ANKS1B: variants seen among roughly 807,000 people sequenced by gnomAD.
The protein encoded by ANKS1B is ankyrin repeat and sterile alpha motif domain-containing protein 1B.
A neutral mutation model predicts 148.3 loss-of-function variants in ANKS1B; 36 were observed. The observed-to-expected ratio is 0.24, with a 90% confidence interval of 0.19 to 0.32. The LOEUF (loss-of-function observed/expected upper bound fraction) is 0.32. Among genes scored for constraint, ANKS1B ranks in the 10% least tolerant of loss-of-function variants. The pLI, the probability that ANKS1B is intolerant of heterozygous loss-of-function variation, is 1.00. For missense variants in ANKS1B, 1,157 were observed against 1,542.6 expected (o/e 0.75, Z 4.19); for synonymous variants, 542 against 560.8 (o/e 0.97, Z 0.47).
intron 17 of ANKS1B, among the ~76,000 whole-genome samples, chr12:98,913,592 T>G (rs1217730666): frequency 6.6e-6 from 1 of 152,162 alleles, no homozygotes; most frequent in Non-Finnish European, 1.5e-5. Context: ...CCTGTCAAAC[T>G]TAATATGTCT....
intron 8 of ANKS1B, among the ~76,000 whole-genome samples, chr12:99,709,607 T>A (rs1199778809): frequency 6.6e-6 from 1 of 152,116 alleles, no homozygotes; most frequent in African/African-American, 2.4e-5. Context: ...TAGACCCACA[T>A]TTTTTGAAAT....
At chr12:99,459,059 C>T (rs1277997654) in intron 10 of ANKS1B, among the ~76,000 whole-genome samples, 2 of 151,966 alleles carry the variant, frequency 1.3e-5, no homozygotes, top group Non-Finnish European at 2.9e-5. Context: ...AAAGATAATC[C>T]ACCATGATCA....
intron 17 of ANKS1B, among the ~76,000 whole-genome samples, chr12:98,852,756 C>T (rs188749522): frequency 1.1e-4 from 16 of 152,230 alleles, no homozygotes; most frequent in Admixed American, 9.8e-4. Context: ...TTTTCCCCCC[C>T]TCCATCCATC....
intron 17 of ANKS1B, among the ~76,000 whole-genome samples, chr12:99,020,292 T>C (rs902198265): frequency 6.6e-6 from 1 of 152,196 alleles, no homozygotes; most frequent in African/African-American, 2.4e-5. Flanking sequence ...TTTCTGTCTC[T>C]GTAGATTGAC....
intron 15 of ANKS1B, among the ~76,000 whole-genome samples, chr12:99,088,838 G>GTTTTTTTTTTTTTTTTTT (rs386377539): frequency 1.4e-5 from 1 of 69,848 alleles, no homozygotes; most frequent in African/African-American, 6.3e-5. Flanking sequence ...TTTAACTTCT[G>GTTTTTTTTTTTTTTTTTT]TTTTTTTTTT....
intron 17 of ANKS1B, among the ~76,000 whole-genome samples, chr12:98,851,335 A>T (rs1214543248): frequency 6.6e-6 from 1 of 152,096 alleles, no homozygotes; most frequent in East Asian, 1.9e-4. Flanking sequence ...CTACCTGGGG[A>T]GCTGGGGATG....
chr12:99,869,025 C>A (rs2091130234), intron 1 of ANKS1B, among the ~76,000 whole-genome samples: 1 of 151,764 alleles, frequency 6.6e-6, no homozygotes, highest in Non-Finnish European at 1.5e-5. Flanking sequence ...CCACTGCAAT[C>A]CAGCCTAGGT....
At chr12:98,785,721 A>C (rs1410389228) in intron 22 of ANKS1B, among the ~76,000 whole-genome samples, 1 of 152,140 alleles carries the variant, frequency 6.6e-6, no homozygotes, top group African/African-American at 2.4e-5. Flanking sequence ...CCTACTCTGA[A>C]CATCAAGTTA....
At chr12:99,361,367 C>G (rs893478332) in intron 12 of ANKS1B, among the ~76,000 whole-genome samples, 1 of 151,988 alleles carries the variant, frequency 6.6e-6, no homozygotes, top group Non-Finnish European at 1.5e-5. Context: ...CTGATAAAAA[C>G]AAACTATTTT....
intron 10 of ANKS1B, among the ~76,000 whole-genome samples, chr12:99,490,093 T>C (rs561924883): frequency 6.6e-6 from 1 of 152,344 alleles, no homozygotes; most frequent in South Asian, 2.1e-4. Flanking sequence ...AAAGCCTCTC[T>C]GTTACCCTAT....
At chr12:99,295,615 GTTTTA>G (rs912272789) in intron 12 of ANKS1B, among the ~76,000 whole-genome samples, 1 of 152,084 alleles carries the variant, frequency 6.6e-6, no homozygotes, top group African/African-American at 2.4e-5. Flanking sequence ...TTCTTTTAAA[GTTTTA>G]TTTTAAGTCC....
chr12:99,424,633 A>G (rs1189547114), intron 11 of ANKS1B, among the ~76,000 whole-genome samples: 1 of 151,476 alleles, frequency 6.6e-6, no homozygotes, highest in Non-Finnish European at 1.5e-5. Flanking sequence ...ACACACACAC[A>G]CACACACACA....
At chr12:98,768,719 G>A (rs1030871496) in intron 25 of ANKS1B, among the ~76,000 whole-genome samples, 44 of 144,680 alleles carry the variant, frequency 3.0e-4, no homozygotes, top group Non-Finnish European at 6.2e-4. Context: ...GGGCGACAGA[G>A]CGAGACTCCA....
chr12:98,750,390 G>A (rs955483073), intron 26 of ANKS1B, among the ~76,000 whole-genome samples: 1 of 152,160 alleles, frequency 6.6e-6, no homozygotes, highest in African/African-American at 2.4e-5. Context: ...TGTGGATGTT[G>A]ATGGTGCCAA....
At chr12:98,991,225 G>T (rs1237107951) in intron 17 of ANKS1B, among the ~76,000 whole-genome samples, 1 of 152,144 alleles carries the variant, frequency 6.6e-6, no homozygotes, top group African/African-American at 2.4e-5. Flanking sequence ...TATAGTATTA[G>T]TTGAAAAGTA....
At position 98,745,788 on chromosome 12, in the gene ANKS1B, T is replaced by C; in HGVS notation, c.3809A>G (p.Gln1270Arg). The change falls in exon 27 of 27, where the codon CAA becomes CGA. Residue 1270 changes from glutamine (Q) to arginine (R), a missense_variant. Transcript: ENST00000683438. ...ANLPWIVEPG[Q>R]EAKRGINTKY... ...GGTATTAATGCCCCTCTTGGCTTCT[T>C]GGCCCGGCTCCACAATCCACGGTAG... The C allele has an allele frequency of 6.2e-7, 1 of 1,613,786 alleles. No homozygotes were observed. The highest frequency in any genetic ancestry group is 8.5e-7 in the Non-Finnish European group (1 of 1,179,778).
chr12:99,003,741 C>T (rs142189306), intron 17 of ANKS1B, among the ~76,000 whole-genome samples: 9 of 152,292 alleles, frequency 5.9e-5, no homozygotes, highest in East Asian at 5.8e-4. Flanking sequence ...TAGAGCTGCA[C>T]GCATGGGCAG....
chr12:99,523,544 G>T lies in ANKS1B; in HGVS notation c.1273-18903C>A, dbSNP rs146542044. 3.4e-3 allele frequency among the ~76,000 whole-genome samples: 506 copies of T among 147,374 alleles called. 7 individuals carry two copies. Among genetic ancestry groups the T allele is most frequent in the African/African-American group, 0.011 (422 of 38,764 alleles). ...TCAAGGCTAGCCTGATCTATACAAG[G>T]CATCTTCTTTTTTTTTTTTTTTTTT... is the stretch of plus-strand genomic sequence containing the variant. On this transcript the variant is annotated intron_variant, in intron 9 of 26. Transcript: ENST00000683438.
chr12:99,862,730 T>G (rs1477113504), intron 1 of ANKS1B, among the ~76,000 whole-genome samples: 1 of 152,178 alleles, frequency 6.6e-6, no homozygotes, highest in Non-Finnish European at 1.5e-5. Context: ...CTGCCCAATA[T>G]CCAAACTTTA....
Sources: allele counts gnomAD v4.1 joint callset (sites outside exome capture counted in the v4.1 genomes callset), GRCh38; gene constraint gnomAD v4.1.1; transcripts MANE v1.5; gene names NCBI Gene and HGNC (gene_info 2026-07-23, HGNC 2026-07-21).